Variants in GABRG3 observed in about 807,000 individuals in gnomAD.
GABRG3 encodes gamma-aminobutyric acid receptor subunit gamma-3.
A neutral mutation model predicts 48.8 loss-of-function variants in GABRG3; 25 were observed. That is an observed-to-expected ratio of 0.51 (90% CI 0.37 to 0.72). The LOEUF is 0.72. Among genes scored for constraint, GABRG3 ranks in the 30% least tolerant of loss-of-function variants. The pLI, the probability that GABRG3 is intolerant of heterozygous loss-of-function variation, is 0.00. For synonymous variants in GABRG3, 227 were observed against 217.6 expected (o/e 1.04, Z -0.38); for missense variants, 394 against 577.9 (o/e 0.68, Z 3.26).
At chr15:27,112,380 T>A (rs1183476001) in intron 3 of GABRG3, among the ~76,000 whole-genome samples, 1 of 152,040 alleles carries the variant, frequency 6.6e-6, no homozygotes, top group Non-Finnish European at 1.5e-5. Context: ...CTTGATGTCC[T>A]CTTTAATTTC....
chr15:27,346,637 T>TG (rs1894383390), intron 5 of GABRG3, among the ~76,000 whole-genome samples: 1 of 126 alleles, frequency 7.9e-3, no homozygotes, highest in Admixed American at 0.1. Context: ...CTTTTTTTGA[T>TG]GCTTTTTTTC....
At chr15:27,118,839 G>A (rs1897685126) in intron 3 of GABRG3, among the ~76,000 whole-genome samples, 1 of 151,952 alleles carries the variant, frequency 6.6e-6, no homozygotes, top group African/African-American at 2.4e-5. Context: ...TATAATTTTG[G>A]CAAATACTGA....
chr15:27,069,886 TG>T (rs1181246309), intron 3 of GABRG3, among the ~76,000 whole-genome samples: 6 of 152,382 alleles, frequency 3.9e-5, no homozygotes, highest in Admixed American at 6.5e-5. Flanking sequence ...GTAGTGCCTG[TG>T]GATCTTGCAA....
At chr15:27,057,967 A>C (rs1337133911) in intron 3 of GABRG3, among the ~76,000 whole-genome samples, 1 of 152,150 alleles carries the variant, frequency 6.6e-6, no homozygotes, top group Non-Finnish European at 1.5e-5. Context: ...ACATGAGTGC[A>C]TTCTCCATCC....
chr15:27,530,803 A>G, intron 9 of GABRG3: 2 of 453,134 alleles, frequency 4.4e-6, no homozygotes, highest in Admixed American at 2.4e-5. Flanking sequence ...TCCACATAGC[A>G]AGGGACTACA....
At chr15:27,134,007 T>C (rs1017488767) in intron 3 of GABRG3, among the ~76,000 whole-genome samples, 2 of 152,220 alleles carry the variant, frequency 1.3e-5, no homozygotes, top group Non-Finnish European at 2.9e-5. Context: ...GATTATCATG[T>C]AGCACCATGG....
rs202086840 is a variant in GABRG3, at chr15:27,313,234, G to GTATA, written c.271-13571_271-13568dup. On this transcript the variant is annotated intron_variant, in intron 3 of 9. Transcript: ENST00000615808. ...TGTATATGTATATATATACGTATAT[G>GTATA]TATATATGTGTGTGTGTGTGTGTGT... Among the ~76,000 whole-genome samples the GTATA allele has an allele frequency of 7.2e-3, 458 of 63,440 alleles. 34 individuals carry two copies. The highest frequency in any genetic ancestry group is 0.024 in the African/African-American group (434 of 18,030). 41.6% of individuals were successfully genotyped at this position (63,440 alleles called of 152,430 possible). A position where few individuals can be genotyped will look rare whatever the true frequency, so the allele number is the denominator to read the frequency against.
chr15:27,256,321 G>C (rs1181574069), intron 3 of GABRG3, among the ~76,000 whole-genome samples: 7 of 152,064 alleles, frequency 4.6e-5, no homozygotes, highest in Admixed American at 2.6e-4. Context: ...GGCGCCTGTA[G>C]GCCCAGCTAC....
intron 5 of GABRG3, among the ~76,000 whole-genome samples, chr15:27,359,169 A>G (rs72703825): frequency 0.022 from 3,417 of 152,250 alleles, 77 homozygotes; most frequent in South Asian, 0.053. Context: ...CTCCCACTGC[A>G]CCAAGATTGA....
intron 5 of GABRG3, among the ~76,000 whole-genome samples, chr15:27,348,111 A>G (rs1286156180): frequency 7.3e-6 from 1 of 137,290 alleles, no homozygotes; most frequent in Non-Finnish European, 1.5e-5. Context: ...AGCCGAGATC[A>G]TGCCATTGCA....
intron 5 of GABRG3, among the ~76,000 whole-genome samples, chr15:27,430,357 C>T (rs1888412080): frequency 1.3e-5 from 2 of 152,130 alleles, no homozygotes; most frequent in Admixed American, 1.3e-4. Context: ...TGTTGACTTT[C>T]CACTTACTAA....
intron 3 of GABRG3, among the ~76,000 whole-genome samples, chr15:27,063,456 G>A (rs994078646): frequency 5.9e-5 from 9 of 152,206 alleles, no homozygotes; most frequent in African/African-American, 2.2e-4. Context: ...TTGCTGATGA[G>A]TGAGCTCTAG....
intron 6 of GABRG3, among the ~76,000 whole-genome samples, chr15:27,484,205 G>T (rs1352835648): frequency 6.6e-6 from 1 of 152,162 alleles, no homozygotes; most frequent in Non-Finnish European, 1.5e-5. Flanking sequence ...CAAAGTGCTG[G>T]GATTACAGGT....
chr15:27,019,074 TTTTTTTTTTTTTGA>T (rs2140674314), intron 2 of GABRG3, among the ~76,000 whole-genome samples: 1 of 130,256 alleles, frequency 7.7e-6, no homozygotes, highest in South Asian at 2.9e-4. Context: ...TTTTTTTTTT[TTTTTTTTTTTTTGA>T]GATGGAGTCT....
intron 3 of GABRG3, among the ~76,000 whole-genome samples, chr15:27,100,262 T>A (rs968485699): frequency 8.5e-5 from 13 of 152,122 alleles, no homozygotes; most frequent in East Asian, 3.9e-4. Context: ...CCAGTTTTTT[T>A]AAATTCACTA....
At chr15:27,121,159 C>T (rs561263861) in intron 3 of GABRG3, among the ~76,000 whole-genome samples, 3 of 152,252 alleles carry the variant, frequency 2.0e-5, no homozygotes, top group African/African-American at 4.8e-5. Flanking sequence ...GCACTGCACA[C>T]GTCAGCCCCA....
chr15:27,232,577 T>C (rs1424620985), intron 3 of GABRG3, among the ~76,000 whole-genome samples: 1 of 152,136 alleles, frequency 6.6e-6, no homozygotes, highest in Non-Finnish European at 1.5e-5. Flanking sequence ...GGGGCAGCTG[T>C]TCTCCTGCCA....
chr15:27,168,589 G>A (rs532119831), intron 3 of GABRG3, among the ~76,000 whole-genome samples: 1 of 152,336 alleles, frequency 6.6e-6, no homozygotes, highest in African/African-American at 2.4e-5. Context: ...CTAAGGTGAT[G>A]TGGTAGGAGG....
At chr15:27,484,469 A>AAT (rs1247052077) in intron 6 of GABRG3, among the ~76,000 whole-genome samples, 3 of 152,202 alleles carry the variant, frequency 2.0e-5, no homozygotes. Flanking sequence ...AAAGAAGCTA[A>AAT]ATATATATGG....
Sources: gnomAD v4.1 joint callset for allele counts (sites outside exome capture counted in the v4.1 genomes callset) on GRCh38, gnomAD v4.1.1 for gene constraint, MANE v1.5 for transcripts, NCBI Gene and HGNC (gene_info 2026-07-23, HGNC 2026-07-21) for gene names.